Variants in DACH2 observed in about 807,000 individuals in gnomAD.
DACH2 encodes the protein dachshund family transcription factor 2.
In DACH2, 17 loss-of-function variants were observed where a neutral mutation model predicts 35.8. The ratio of observed to expected loss-of-function variants is 0.48; its 90% CI spans 0.33 to 0.71. The LOEUF is 0.71. DACH2 is among the 30% of genes least tolerant of loss of function. The probability of loss-of-function intolerance (pLI) is 0.02; values close to 1 mark genes in which losing one functional copy is unlikely to be tolerated. For synonymous variants in DACH2, 195 were observed against 177.3 expected, an observed-to-expected ratio of 1.10 and a Z score of -0.79; for missense variants, 469 against 472.7, an observed-to-expected ratio of 0.99 and a Z score of 0.07.
At chrX:86,747,035 T>G (rs1488144285) in intron 7 of DACH2, among the ~76,000 whole-genome samples, 1 of 112,036 alleles carries the variant, frequency 8.9e-6, no homozygotes, top group Non-Finnish European at 1.9e-5. Flanking sequence ...GGACACTCAA[T>G]TATGTTTAAT....
intron 2 of DACH2, 24 bp from the exon 3 acceptor site, chrX:86,514,255 C>G: frequency 8.6e-7 from 1 of 1,164,245 alleles, no homozygotes; most frequent in Non-Finnish European, 1.2e-6. Flanking sequence ...TAACCTTTAT[C>G]TATATTTGTC....
At chrX:86,462,753 T>C (rs945764195) in intron 2 of DACH2, among the ~76,000 whole-genome samples, 1 of 111,441 alleles carries the variant, frequency 9.0e-6, no homozygotes, top group Non-Finnish European at 1.9e-5. Flanking sequence ...GATCCTCAAG[T>C]ATACAAATTT....
intron 1 of DACH2, among the ~76,000 whole-genome samples, chrX:86,228,051 C>A (rs954519744): frequency 2.7e-5 from 3 of 109,806 alleles, no homozygotes; most frequent in African/African-American, 6.6e-5. Flanking sequence ...TTTGTGAGAA[C>A]CTGGTGCACT....
At chrX:86,637,240 A>C (rs1322107285) in intron 3 of DACH2, among the ~76,000 whole-genome samples, 1 of 89,670 alleles carries the variant, frequency 1.1e-5, no homozygotes, top group Non-Finnish European at 2.2e-5. Context: ...AAAAAAAAAA[A>C]AAAAAACAGA....
chrX:86,739,984 C>T (rs1430489289), intron 7 of DACH2, 102 bp downstream of exon 7: 4 of 793,493 alleles, frequency 5.0e-6, no homozygotes, highest in Non-Finnish European at 6.9e-6. Context: ...GCTGATACCT[C>T]CTTAATATAA....
intron 7 of DACH2, among the ~76,000 whole-genome samples, chrX:86,741,294 GC>G (rs1403599810): frequency 9.0e-6 from 1 of 111,223 alleles, no homozygotes; most frequent in East Asian, 2.8e-4. Context: ...GTTTTTTGGA[GC>G]CCTTTAGCTT....
At chrX:86,643,480 A>G (rs955931288) in intron 3 of DACH2, among the ~76,000 whole-genome samples, 15 of 106,689 alleles carry the variant, frequency 1.4e-4, no homozygotes, top group Non-Finnish European at 2.7e-4. Flanking sequence ...AAGCCTACCA[A>G]CCAAAAAAAG....
At chrX:86,403,861 C>A (rs761754928) in intron 2 of DACH2, among the ~76,000 whole-genome samples, 42 of 111,232 alleles carry the variant, frequency 3.8e-4, no homozygotes, top group African/African-American at 1.2e-3. Flanking sequence ...TTAATTGACT[C>A]ACACTTCTGT....
intron 7 of DACH2, among the ~76,000 whole-genome samples, chrX:86,804,409 G>A (rs1239314429): frequency 9.0e-6 from 1 of 111,455 alleles, no homozygotes; most frequent in Non-Finnish European, 1.9e-5. Context: ...CTCCCACCAG[G>A]CTGCATCTCC....
At chrX:86,212,051 A>G (rs35951157) in intron 1 of DACH2, among the ~76,000 whole-genome samples, 20,134 of 111,258 alleles carry the variant, frequency 0.18, 4,388 homozygotes, top group African/African-American at 0.62. Flanking sequence ...TGGTATTTAT[A>G]TGTATAAACT....
At chrX:86,286,316 G>A (rs1192235323) in intron 1 of DACH2, among the ~76,000 whole-genome samples, 1 of 108,579 alleles carries the variant, frequency 9.2e-6, no homozygotes, top group Admixed American at 9.9e-5. Flanking sequence ...TTTTTTAGTA[G>A]AGACGGGGTT....
Position 86,281,672 on chromosome X carries a change from A to G in DACH2, c.489-95152A>G, listed in dbSNP as rs1021504389. On this transcript the variant is annotated intron_variant, in intron 1 of 11. Coordinates refer to ENST00000373125, the MANE Select transcript of DACH2 (RefSeq NM_053281.3). The stretch of plus-strand genomic sequence containing the variant: ...CCAGGGCAATCAGGCAAGAGAAAGA[A>G]ATAAAGGGTATTCAAATAGGAAGAG... Among the ~76,000 whole-genome samples, 3 of 111,796 alleles carry G rather than the reference A, an allele frequency of 2.7e-5. No individual in the cohort carries two copies. In the South Asian group the frequency reaches 1.1e-3, roughly 42 times the overall value.
At chrX:86,164,044 A>G (rs992813418) in intron 1 of DACH2, among the ~76,000 whole-genome samples, 2 of 111,960 alleles carry the variant, frequency 1.8e-5, no homozygotes, top group African/African-American at 6.5e-5. Flanking sequence ...ACTCTGCCCA[A>G]CAGTGTATAA....
At chrX:86,268,736 G>A (rs1230711099) in intron 1 of DACH2, among the ~76,000 whole-genome samples, 1 of 109,760 alleles carries the variant, frequency 9.1e-6, no homozygotes, top group Non-Finnish European at 1.9e-5. Flanking sequence ...GTTTCGCCAT[G>A]TTGGCCAGGC....
intron 3 of DACH2, among the ~76,000 whole-genome samples, chrX:86,640,851 C>T (rs1050854097): frequency 1.8e-5 from 2 of 111,940 alleles, no homozygotes; most frequent in African/African-American, 3.3e-5. Context: ...ACTTTACTAA[C>T]ATTTCCCCAT....
intron 2 of DACH2, among the ~76,000 whole-genome samples, chrX:86,391,028 C>A (rs2036192464): frequency 9.2e-6 from 1 of 109,227 alleles, no homozygotes; most frequent in Admixed American, 9.8e-5. Flanking sequence ...TGCCTGTAAT[C>A]CCAGCACTTT....
At chrX:86,324,742 T>A (rs1388172542) in intron 1 of DACH2, among the ~76,000 whole-genome samples, 1 of 108,343 alleles carries the variant, frequency 9.2e-6, no homozygotes, top group African/African-American at 3.4e-5. Context: ...CTTGCCTGGC[T>A]AATTTTTTGT....
intron 3 of DACH2, among the ~76,000 whole-genome samples, chrX:86,518,685 G>A (rs2038508753): frequency 9.0e-6 from 1 of 111,547 alleles, no homozygotes; most frequent in African/African-American, 3.3e-5. Flanking sequence ...TTTCTGATTT[G>A]GCTCTCAGTT....
intron 1 of DACH2, among the ~76,000 whole-genome samples, chrX:86,356,937 G>A (rs1602436772): frequency 9.0e-6 from 1 of 110,952 alleles, no homozygotes; most frequent in East Asian, 2.8e-4. Flanking sequence ...CTAGTATGTA[G>A]GTTTTTATCC....
Sources: allele counts gnomAD v4.1 joint callset (sites outside exome capture counted in the v4.1 genomes callset), GRCh38; gene constraint gnomAD v4.1.1; transcripts MANE v1.5; gene names NCBI Gene and HGNC (gene_info 2026-07-23, HGNC 2026-07-21).